The following TAF4 variants were observed in gnomAD, a reference collection of about 807,000 sequenced individuals.
TAF4 encodes TATA-box binding protein associated factor 4.
Under a neutral mutation model 90.3 loss-of-function variants are expected in TAF4, and 9 were observed. That is an observed-to-expected ratio of 0.10 (90% CI 0.06 to 0.17). The LOEUF is 0.17. Among genes scored for constraint, TAF4 ranks in the 10% least tolerant of loss-of-function variants. The pLI is 1.00. For missense variants in TAF4, 1,351 were observed against 1,370.7 expected, an observed-to-expected ratio of 0.99 and a Z score of 0.23; for synonymous variants, 818 against 638.9, an observed-to-expected ratio of 1.28 and a Z score of -4.23.
intron 1 of TAF4, among the ~76,000 whole-genome samples, chr20:62,046,754 C>T (rs1247383062): frequency 6.6e-6 from 1 of 152,208 alleles, no homozygotes. Flanking sequence ...CAGTTTAACT[C>T]CAGCTGTTTT....
chr20:62,038,679 G>A (rs1460446316), intron 1 of TAF4, among the ~76,000 whole-genome samples: 7 of 152,140 alleles, frequency 4.6e-5, no homozygotes, highest in East Asian at 1.9e-4. Flanking sequence ...CAACACGTTC[G>A]TGAATCAGAA....
chr20:62,050,583 G>A (rs542622217), intron 1 of TAF4, among the ~76,000 whole-genome samples: 10 of 150,856 alleles, frequency 6.6e-5, no homozygotes, highest in Admixed American at 6.0e-4. Context: ...AATGGTCAAA[G>A]CCCCAATAAA....
intron 7 of TAF4, among the ~76,000 whole-genome samples, chr20:62,004,115 GGCAA>G (rs1380990925): frequency 6.6e-6 from 1 of 152,168 alleles, no homozygotes; most frequent in Non-Finnish European, 1.5e-5. Context: ...GCACAGAAGG[GGCAA>G]GCGGGAGCAG....
At position 61,992,002 on chromosome 20, in the gene TAF4, G is replaced by A. The variant is rs372416307; in HGVS notation, c.3090+5548C>T. Among the ~76,000 whole-genome samples, 14 of 152,236 alleles carry A rather than the reference G, an allele frequency of 9.2e-5. No individual in the cohort carries two copies. The East Asian group carries it at 1.9e-3, about 21-fold the overall frequency. The stretch of plus-strand genomic sequence containing the variant: ...CTTAAGACACTTCAGTAAATACAAC[G>A]TGAGCCAAAAAACAGACCTTCAGGT... On this transcript the variant is annotated intron_variant, in intron 14 of 14. Coordinates refer to ENST00000252996, the MANE Select transcript of TAF4 (RefSeq NM_003185.4).
chr20:62,052,900 A>G (rs1464045457), intron 1 of TAF4, among the ~76,000 whole-genome samples: 2 of 149,518 alleles, frequency 1.3e-5, no homozygotes, highest in Admixed American at 1.3e-4. Context: ...TGCCACTCGT[A>G]CCATCAGGTC....
intron 1 of TAF4, among the ~76,000 whole-genome samples, chr20:62,034,209 C>A (rs567118814): frequency 1.8e-4 from 28 of 152,196 alleles, no homozygotes; most frequent in Admixed American, 5.2e-4. Context: ...TCTCTAGGTG[C>A]GACCCTCAAA....
At chr20:62,040,085 TA>T (rs2055955285) in intron 1 of TAF4, among the ~76,000 whole-genome samples, 2 of 152,216 alleles carry the variant, frequency 1.3e-5, no homozygotes, top group African/African-American at 4.8e-5. Flanking sequence ...CAGAAATTAA[TA>T]TTCATTTGCC....
In TAF4 at chr20:62,000,199, A is replaced by G. The variant is rs1431903694; in HGVS notation, c.2712T>C (p.His904=). ...LHPDVVSYVS[H]ATQQRLQNLV... is the part of the protein sequence containing the mutation. ...GATTCTGTAGCCTTTGTTGCGTGGC[A>G]TGTGATACATAACTTACTACATCTG... is the stretch of plus-strand genomic sequence containing the variant. The change falls in exon 11 of 15, where the codon CAT becomes CAC. Residue 904 remains histidine (H), a synonymous_variant. Transcript: ENST00000252996. The G allele has an allele frequency of 2.5e-6, 4 of 1,614,272 alleles. No individual in the cohort carries two copies. The Admixed American group carries it at 6.7e-5, about 27-fold the overall frequency.
chr20:62,059,029 G>A lies in TAF4; in HGVS notation c.1360+5422C>T, dbSNP rs573678468. 4.5e-4 allele frequency among the ~76,000 whole-genome samples: 68 copies of A among 152,332 alleles called. 1 individual carries two copies. Among genetic ancestry groups the A allele is most frequent in the African/African-American group, 1.5e-3 (61 of 41,552 alleles). The stretch of plus-strand genomic sequence containing the variant: ...CAGTCCCCAAACACAGTCCCCAACA[G>A]ACAACTTCTCCTGTCCCCACATGCG... On this transcript the variant is annotated intron_variant, in intron 1 of 14. Coordinates refer to ENST00000252996, the MANE Select transcript of TAF4 (RefSeq NM_003185.4).
intron 1 of TAF4, among the ~76,000 whole-genome samples, chr20:62,060,492 A>G (rs1445635721): frequency 1.3e-5 from 2 of 152,200 alleles, no homozygotes; most frequent in Non-Finnish European, 2.9e-5. Flanking sequence ...CCAACCTGTC[A>G]CCAAGATGAC....
intron 1 of TAF4, among the ~76,000 whole-genome samples, chr20:62,043,048 G>T (rs1053940759): frequency 6.6e-6 from 1 of 152,214 alleles, no homozygotes; most frequent in Non-Finnish European, 1.5e-5. Flanking sequence ...CTCGCTGGGC[G>T]TGGTGGCACA....
At chr20:62,007,697 C>T in intron 5 of TAF4, 61 bp from the exon 6 acceptor site, 1 of 1,464,698 alleles carries the variant, frequency 6.8e-7, no homozygotes, top group Non-Finnish European at 9.4e-7. Context: ...ACTTCTGAAT[C>T]CCGCATCACT....
At chr20:62,009,510 A>G (rs972179646) in intron 4 of TAF4, among the ~76,000 whole-genome samples, 12 of 152,268 alleles carry the variant, frequency 7.9e-5, no homozygotes, top group Admixed American at 7.2e-4. Context: ...CCAAACGGAC[A>G]CAGAAGGAAC....
intron 1 of TAF4, among the ~76,000 whole-genome samples, chr20:62,022,562 G>A (rs2055849522): frequency 1.3e-5 from 2 of 152,194 alleles, no homozygotes; most frequent in African/African-American, 4.8e-5. Flanking sequence ...GAACACACGT[G>A]GTGATGGCCC....
chr20:62,051,753 C>G (rs73915545), intron 1 of TAF4, among the ~76,000 whole-genome samples: 3,004 of 152,330 alleles, frequency 0.02, 94 homozygotes, highest in African/African-American at 0.068. Flanking sequence ...GGCAGGTGGC[C>G]TGTGGCCCTC....
chr20:62,065,792 G>T lies in TAF4; in HGVS notation c.19C>A (p.Leu7Met). The change falls in exon 1 of 15, where the codon CTG (leucine) becomes ATG (methionine). Residue 7 changes from leucine to methionine, a missense_variant. Around this residue, in one of 9 missense-constraint regions of TAF4, gnomAD observed 782 missense variants for 536.6 expected, o/e 1.46. Transcript: ENST00000252996. The part of the protein sequence containing the change: MAAGSD[L>M]LDEVFFNSEV... ...CTGTTGAAGAAGACCTCGTCCAGCA[G>T]ATCCGAGCCCGCCGCCATCTTTTTT... 1 of 1,315,352 alleles carries T rather than the reference G, an allele frequency of 7.6e-7. No homozygotes were observed. The highest frequency in any genetic ancestry group is 9.9e-7 in the Non-Finnish European group (1 of 1,012,282). The allele number at this position is 1,315,352 out of a possible 1,614,324, so 81.5% of individuals were successfully genotyped here. A position where few individuals can be genotyped will look rare whatever the true frequency, so the allele number is the denominator to read the frequency against.
At chr20:61,983,287 A>G (rs1161874952) in intron 14 of TAF4, among the ~76,000 whole-genome samples, 1 of 147,980 alleles carries the variant, frequency 6.8e-6, no homozygotes, top group Non-Finnish European at 1.5e-5. Context: ...AAACCTTCCT[A>G]AATACAAAAA....
chr20:62,013,889 C>G (rs1383492061), intron 2 of TAF4, among the ~76,000 whole-genome samples: 1 of 144,456 alleles, frequency 6.9e-6, no homozygotes, highest in African/African-American at 2.6e-5. Flanking sequence ...GGAGCTTCGG[C>G]CCTGAAGGCT....
intron 1 of TAF4, among the ~76,000 whole-genome samples, chr20:62,048,714 C>T (rs141564136): frequency 6.6e-6 from 1 of 151,234 alleles, no homozygotes; most frequent in Non-Finnish European, 1.5e-5. Flanking sequence ...CCCTGGGCTC[C>T]ATGCCCCCTG....
Sources: allele counts gnomAD v4.1 joint callset (sites outside exome capture counted in the v4.1 genomes callset), GRCh38; gene constraint gnomAD v4.1.1; regional missense constraint gnomAD v4.1.1; transcripts MANE v1.5; gene names NCBI Gene and HGNC (gene_info 2026-07-23, HGNC 2026-07-21).